Variants in TMEM132B observed in about 807,000 individuals in gnomAD.
TMEM132B encodes transmembrane protein 132B.
TMEM132B carries 18 observed loss-of-function variants against 90.8 expected under a neutral mutation model. The observed-to-expected ratio is 0.20, with a 90% CI of 0.14 to 0.29. The LOEUF is 0.29. Ranked by LOEUF, TMEM132B falls within the 10% of genes least tolerant of loss-of-function variation. The pLI is 1.00. For missense variants in TMEM132B, 1,096 were observed against 1,326.8 expected (o/e 0.83, Z 2.70); for synonymous variants, 504 against 523.3 (o/e 0.96, Z 0.50).
chr12:125,574,423 C>A (rs77717733), intron 4 of TMEM132B, among the ~76,000 whole-genome samples: 1 of 152,202 alleles, frequency 6.6e-6, no homozygotes, highest in East Asian at 1.9e-4. Flanking sequence ...AGATTCCCAA[C>A]GTGGAAGGAG....
intron 4 of TMEM132B, among the ~76,000 whole-genome samples, chr12:125,519,928 G>T (rs1592971099): frequency 6.6e-6 from 1 of 152,266 alleles, no homozygotes; most frequent in East Asian, 1.9e-4. Flanking sequence ...AAACAGTTTT[G>T]TTGAAATGCA....
chr12:125,574,002 T>C (rs539457646), intron 4 of TMEM132B, among the ~76,000 whole-genome samples: 19 of 152,340 alleles, frequency 1.2e-4, no homozygotes, highest in African/African-American at 3.8e-4. Context: ...ACTGTGGACC[T>C]GTACCAAGTT....
At chr12:125,325,731 G>C (rs1876545805) in intron 1 of TMEM132B, among the ~76,000 whole-genome samples, 1 of 147,608 alleles carries the variant, frequency 6.8e-6, no homozygotes, top group African/African-American at 2.5e-5. Flanking sequence ...CTGTTTCTAA[G>C]AACTTTGTTT....
intron 2 of TMEM132B, among the ~76,000 whole-genome samples, chr12:125,384,661 G>GT (rs138459841): frequency 1.3e-5 from 2 of 151,926 alleles, no homozygotes; most frequent in Non-Finnish European, 2.9e-5. Context: ...TTTCTTCCTT[G>GT]TTTTTTTGAG....
At chr12:125,440,714 G>T (rs1880846659) in intron 3 of TMEM132B, among the ~76,000 whole-genome samples, 1 of 152,108 alleles carries the variant, frequency 6.6e-6, no homozygotes. Context: ...CAAATCAGTG[G>T]CCCATAAACC....
intron 8 of TMEM132B, 137 bp downstream of exon 8, chr12:125,652,769 G>A (rs1201100713): frequency 2.0e-5 from 20 of 1,017,858 alleles, no homozygotes; most frequent in Non-Finnish European, 2.7e-5. Flanking sequence ...TCTTATCCAG[G>A]CCACCCTGTC....
Position 125,328,245 on chromosome 12 carries a change from T to A in TMEM132B, c.68-21207T>A, listed in dbSNP as rs967589456. Among the ~76,000 whole-genome samples the A allele has an allele frequency of 1.4e-4, 22 of 152,216 alleles. 1 individual carries two copies. The highest frequency in any genetic ancestry group is 2.6e-4 in the Admixed American group (4 of 15,278). On this transcript the variant is annotated intron_variant, in intron 1 of 8. Coordinates refer to ENST00000682704, the MANE Select transcript of TMEM132B (RefSeq NM_001366854.1). ...AGTGGCCTCCGCCAGCCCTGAAGGA[T>A]GTGCCCTTTCCTCCCTTTCCAGCCC...
chr12:125,558,760 AATT>A (rs1884451768), intron 4 of TMEM132B, among the ~76,000 whole-genome samples: 1 of 152,178 alleles, frequency 6.6e-6, no homozygotes, highest in Non-Finnish European at 1.5e-5. Flanking sequence ...TTGATGTATT[AATT>A]AAGCTATCAA....
chr12:125,488,071 TA>T (rs1882247431), intron 3 of TMEM132B, among the ~76,000 whole-genome samples: 1 of 152,256 alleles, frequency 6.6e-6, no homozygotes, highest in Admixed American at 6.5e-5. Flanking sequence ...AAACAGCTTC[TA>T]TTTTAGCTCT....
intron 4 of TMEM132B, among the ~76,000 whole-genome samples, chr12:125,564,557 A>G (rs1884617404): frequency 6.6e-6 from 1 of 152,190 alleles, no homozygotes; most frequent in Non-Finnish European, 1.5e-5. Context: ...TAATTAGACA[A>G]GCTCTTCTGT....
rs534548721 is a variant in TMEM132B at position 125,337,191 on chromosome 12, G to A, written c.68-12261G>A. Among the ~76,000 whole-genome samples, 19 of 152,298 alleles carry A rather than the reference G, an allele frequency of 1.2e-4. No homozygotes were observed. The South Asian group carries it at 3.9e-3, about 32-fold the overall frequency. On this transcript the variant is annotated intron_variant, in intron 1 of 8. Coordinates refer to ENST00000682704, the MANE Select transcript of TMEM132B (RefSeq NM_001366854.1). The stretch of plus-strand genomic sequence containing the variant: ...TACATAAGGAAGTGCTATGCCATTT[G>A]TTTCCACTTTTTAGTAGGGATGGGA...
chr12:125,657,745 T>G lies in TMEM132B; in HGVS notation c.*3035T>G, dbSNP rs1887101985. ...ATTTATAAAGTCCCTTCCTCTCCCA[T>G]GGGAATGGAATGCTCAGACTCCTGC... On this transcript the variant is annotated 3_prime_UTR_variant, in exon 9 of 9. Coordinates refer to ENST00000682704, the MANE Select transcript of TMEM132B (RefSeq NM_001366854.1). 1 of 152,112 alleles carries G rather than the reference T, an allele frequency of 6.6e-6. No individual in the cohort carries two copies. The highest frequency in any genetic ancestry group is 1.5e-5 in the Non-Finnish European group (1 of 68,020). 9.4% of individuals were successfully genotyped at this position (152,112 alleles called of 1,614,324 possible). A position where few individuals can be genotyped will look rare whatever the true frequency, so the allele number is the denominator to read the frequency against.
intron 1 of TMEM132B, among the ~76,000 whole-genome samples, chr12:125,206,871 T>G (rs1873196605): frequency 6.6e-6 from 1 of 152,222 alleles, no homozygotes; most frequent in Non-Finnish European, 1.5e-5. Context: ...CTTGGACGCA[T>G]TGTTTCTGTG....
intron 1 of TMEM132B, among the ~76,000 whole-genome samples, chr12:125,320,938 A>G (rs1006012745): frequency 2.0e-5 from 3 of 152,200 alleles, no homozygotes; most frequent in Non-Finnish European, 4.4e-5. Flanking sequence ...GTAGAACCTC[A>G]CCTGAGCTCA....
intron 2 of TMEM132B, among the ~76,000 whole-genome samples, chr12:125,363,104 G>C (rs1220961331): frequency 1.3e-5 from 2 of 152,210 alleles, no homozygotes; most frequent in Non-Finnish European, 2.9e-5. Context: ...CAGCAGGGTA[G>C]AGTGGCTCAG....
intron 3 of TMEM132B, among the ~76,000 whole-genome samples, chr12:125,506,692 G>A (rs933928654): frequency 6.6e-6 from 1 of 152,096 alleles, no homozygotes; most frequent in Non-Finnish European, 1.5e-5. Context: ...CACAAAAAAG[G>A]TTTGAGAGAT....
intron 4 of TMEM132B, among the ~76,000 whole-genome samples, chr12:125,525,145 G>A (rs2136675509): frequency 6.6e-6 from 1 of 152,272 alleles, no homozygotes; most frequent in Middle Eastern, 3.4e-3. Context: ...GAACACTCTA[G>A]TAGGCTTGCA....
intron 5 of TMEM132B, among the ~76,000 whole-genome samples, chr12:125,632,679 T>A (rs998931154): frequency 6.7e-6 from 1 of 149,164 alleles, no homozygotes; most frequent in Non-Finnish European, 1.5e-5. Flanking sequence ...AGTGTCAAAG[T>A]TTTTTTTTCC....
intron 3 of TMEM132B, among the ~76,000 whole-genome samples, chr12:125,425,047 G>A (rs1258703202): frequency 6.6e-6 from 1 of 152,044 alleles, no homozygotes. Flanking sequence ...GGGGAATGGG[G>A]TGGGGTTGAG....
Sources: allele counts gnomAD v4.1 joint callset (sites outside exome capture counted in the v4.1 genomes callset), GRCh38; gene constraint gnomAD v4.1.1; transcripts MANE v1.5; gene names NCBI Gene and HGNC (gene_info 2026-07-23, HGNC 2026-07-21).